TIAM1: variants seen among roughly 807,000 people sequenced by gnomAD.
TIAM1 encodes rho guanine nucleotide exchange factor TIAM1.
A neutral mutation model predicts 163.5 loss-of-function variants in TIAM1; 65 were observed. The observed-to-expected ratio is 0.40, with a 90% confidence interval of 0.33 to 0.49. The LOEUF (loss-of-function observed/expected upper bound fraction) is 0.49. Among genes scored for constraint, TIAM1 ranks in the 20% least tolerant of loss-of-function variants. The probability of loss-of-function intolerance (pLI) is 0.77; values close to 1 mark genes in which losing one functional copy is unlikely to be tolerated. For missense variants in TIAM1, 1,789 were observed against 2,044.7 expected (o/e 0.87, Z 2.41); for synonymous variants, 833 against 810.1 (o/e 1.03, Z -0.48).
intron 2 of TIAM1, among the ~76,000 whole-genome samples, chr21:31,384,156 G>A (rs1003656434): frequency 1.3e-5 from 2 of 151,912 alleles, no homozygotes; most frequent in Non-Finnish European, 2.9e-5. Context: ...CAGGGGACTG[G>A]GCACCTCGTA....
At chr21:31,378,057 A>T (rs1009371865) in intron 2 of TIAM1, among the ~76,000 whole-genome samples, 1 of 149,724 alleles carries the variant, frequency 6.7e-6, no homozygotes, top group Non-Finnish European at 1.5e-5. Flanking sequence ...AATCACTTGA[A>T]CCTGGGAGGT....
At chr21:31,204,940 G>C (rs1056871459) in intron 11 of TIAM1, among the ~76,000 whole-genome samples, 1 of 152,140 alleles carries the variant, frequency 6.6e-6, no homozygotes. Context: ...GCCATTCACC[G>C]AACATGTCCC....
At chr21:31,376,234 CG>C (rs2076684615) in intron 2 of TIAM1, among the ~76,000 whole-genome samples, 1 of 152,046 alleles carries the variant, frequency 6.6e-6, no homozygotes, top group Admixed American at 6.6e-5. Flanking sequence ...CATTCACACA[CG>C]CATGTACACA....
At chr21:31,241,374 G>A (rs1416605054) in intron 6 of TIAM1, among the ~76,000 whole-genome samples, 1 of 152,212 alleles carries the variant, frequency 6.6e-6, no homozygotes, top group Non-Finnish European at 1.5e-5. Flanking sequence ...AGTTGCCTGA[G>A]TGTTGATCAT....
rs2081935930 is a variant in TIAM1, at chr21:31,119,850, C to G, written c.*518G>C. ...GGCTCATTGAAACATGAATCGCCAC[C>G]CTCTCCTCACACATTCTTAAAATAC... is the stretch of plus-strand genomic sequence containing the variant. On this transcript the variant is annotated 3_prime_UTR_variant, in exon 28 of 28. Coordinates refer to ENST00000541036, the MANE Select transcript of TIAM1 (RefSeq NM_001353694.2). 1 of 152,140 alleles carries G rather than the reference C, an allele frequency of 6.6e-6. No homozygotes were observed. Among genetic ancestry groups the G allele is most frequent in the Admixed American group, 6.5e-5 (1 of 15,280 alleles). 9.4% of individuals were successfully genotyped at this position (152,140 alleles called of 1,614,324 possible). A position where few individuals can be genotyped will look rare whatever the true frequency, so the allele number is the denominator to read the frequency against.
At chr21:31,300,984 C>G (rs1569186464) in intron 2 of TIAM1, among the ~76,000 whole-genome samples, 1 of 152,136 alleles carries the variant, frequency 6.6e-6, no homozygotes, top group Non-Finnish European at 1.5e-5. Flanking sequence ...AAAGGCAGCA[C>G]CAAAAACATG....
chr21:31,327,115 A>G (rs1381862681), intron 2 of TIAM1, among the ~76,000 whole-genome samples: 2 of 152,234 alleles, frequency 1.3e-5, no homozygotes, highest in Non-Finnish European at 2.9e-5. Context: ...CAAAAAGGGA[A>G]GTGATCAATG....
At chr21:31,206,892 A>G (rs1169374446) in intron 11 of TIAM1, among the ~76,000 whole-genome samples, 1 of 152,214 alleles carries the variant, frequency 6.6e-6, no homozygotes, top group Non-Finnish European at 1.5e-5. Flanking sequence ...CAATTACTGC[A>G]TACACAAATG....
At chr21:31,164,280 C>T (rs1601372188) in intron 16 of TIAM1, among the ~76,000 whole-genome samples, 1 of 151,976 alleles carries the variant, frequency 6.6e-6, no homozygotes, top group South Asian at 2.1e-4. Context: ...GTCCTAGCTA[C>T]TCGGGAGGCT....
At chr21:31,181,025 C>T (rs1042279709) in intron 15 of TIAM1, among the ~76,000 whole-genome samples, 4 of 152,234 alleles carry the variant, frequency 2.6e-5, no homozygotes, top group African/African-American at 4.8e-5. Context: ...ATCCAACTAC[C>T]CAAGAGCCTT....
chr21:31,389,142 T>C (rs894868727), intron 2 of TIAM1, among the ~76,000 whole-genome samples: 5 of 152,252 alleles, frequency 3.3e-5, no homozygotes, highest in African/African-American at 1.2e-4. Flanking sequence ...TTGAATTTCA[T>C]ATAACTTTCC....
intron 1 of TIAM1, among the ~76,000 whole-genome samples, chr21:31,514,279 A>T: frequency 6.6e-6 from 1 of 152,086 alleles, no homozygotes; most frequent in East Asian, 1.9e-4. Flanking sequence ...CAATTATCCA[A>T]CCAATCTCGT....
At chr21:31,257,015 A>T (rs1370830829) in intron 4 of TIAM1, among the ~76,000 whole-genome samples, 2 of 152,152 alleles carry the variant, frequency 1.3e-5, no homozygotes, top group Non-Finnish European at 2.9e-5. Flanking sequence ...CCTGGGAAAA[A>T]CACAGGCATA....
At chr21:31,387,328 T>C (rs1242831980) in intron 2 of TIAM1, among the ~76,000 whole-genome samples, 2 of 148,054 alleles carry the variant, frequency 1.4e-5, no homozygotes, top group African/African-American at 5.0e-5. Flanking sequence ...GTTCAACCAA[T>C]TCTCCTGACT....
At chr21:31,279,022 CG>C (rs933415629) in intron 2 of TIAM1, among the ~76,000 whole-genome samples, 2 of 151,970 alleles carry the variant, frequency 1.3e-5, no homozygotes, top group African/African-American at 4.8e-5. Flanking sequence ...ACCTGCACAA[CG>C]GAGGCTGATA....
chr21:31,396,855 A>G (rs879252572), intron 2 of TIAM1, among the ~76,000 whole-genome samples: 13 of 152,122 alleles, frequency 8.5e-5, no homozygotes, highest in African/African-American at 3.1e-4. Context: ...GGAGGCTGAG[A>G]CAGGAGAATC....
In TIAM1 at chr21:31,359,392, GT is replaced by G. The variant is rs571191914; in HGVS notation, c.-368-19971del. Among the ~76,000 whole-genome samples, 32 of 152,276 alleles carry G rather than the reference GT, an allele frequency of 2.1e-4. No individual in the cohort carries two copies. The East Asian group carries it at 6.0e-3, about 28-fold the overall frequency. ...GTAGGACCTAAAAATAAATACATTT[GT>G]TGAGTGAACAAATAGTATTTGCTCT... On this transcript the variant is annotated intron_variant, in intron 2 of 28. Coordinates refer to the TIAM1 transcript ENST00000286827.
chr21:31,210,637 GAAA>G (rs2086726022), intron 10 of TIAM1, among the ~76,000 whole-genome samples: 6 of 49,472 alleles, frequency 1.2e-4, no homozygotes, highest in South Asian at 1.6e-3. Flanking sequence ...AAGAAAGAAA[GAAA>G]GAAAGAAAGA....
chr21:31,402,055 T>C (rs1044059427), intron 2 of TIAM1, among the ~76,000 whole-genome samples: 4 of 151,178 alleles, frequency 2.6e-5, no homozygotes, highest in African/African-American at 7.3e-5. Context: ...TCTACTAAAA[T>C]ACAAAAAATT....
Sources: allele counts gnomAD v4.1 joint callset (sites outside exome capture counted in the v4.1 genomes callset), GRCh38; gene constraint gnomAD v4.1.1; transcripts MANE v1.5; gene names NCBI Gene and HGNC (gene_info 2026-07-23, HGNC 2026-07-21).